The following CASKIN1 variants were observed in gnomAD, a reference collection of about 807,000 sequenced individuals.
CASKIN1 encodes caskin-1.
Under a neutral mutation model 117.5 loss-of-function variants are expected in CASKIN1, and 42 were observed. That is an observed-to-expected ratio of 0.36 (90% confidence interval 0.28 to 0.46). The LOEUF (loss-of-function observed/expected upper bound fraction) is 0.46. CASKIN1 is among the 20% of genes least tolerant of loss of function. The pLI is 1.00. For synonymous variants in CASKIN1, 1,148 were observed against 961.7 expected (o/e 1.19, Z -3.59); for missense variants, 2,083 against 2,077.3 (o/e 1.00, Z -0.05).
In CASKIN1 at chr16:2,179,009, C is replaced by A. The variant is rs1391402750; in HGVS notation, c.4092G>T (p.Ser1364=). ...AAPPAPPEGA[S]PGDSARQKLE... is the part of the protein sequence containing the mutation. The stretch of plus-strand genomic sequence containing the variant: ...GTTTCTGCCGGGCGCTGTCCCCTGG[C>A]GAGGCGCCTTCGGGCGGGGCGGGGG... Residue 1364 remains serine (S), a synonymous_variant, in exon 19 of 20, where the codon TCG becomes TCT. Coordinates refer to ENST00000343516, the MANE Select transcript of CASKIN1 (RefSeq NM_020764.4). This position sits in a 1 kb window ranked among gnomAD's most constrained non-coding sequence, Gnocchi z 5.8. The A allele has an allele frequency of 5.0e-6, 6 of 1,211,608 alleles. No individual in the cohort carries two copies. Among genetic ancestry groups the A allele is most frequent in the Non-Finnish European group, 6.2e-6 (6 of 973,782 alleles). The allele number at this position is 1,211,608 out of a possible 1,614,324, so 75.1% of individuals were successfully genotyped here.
At chr16:2,192,551 T>C (rs148216235) in intron 1 of CASKIN1, among the ~76,000 whole-genome samples, 62 of 152,250 alleles carry the variant, frequency 4.1e-4, no homozygotes, top group South Asian at 1.2e-3. Flanking sequence ...GGCTGCCCTG[T>C]CCAAGGCCTT....
At chr16:2,184,608 C>T (rs2093178195) in intron 14 of CASKIN1, among the ~76,000 whole-genome samples, 169 bp downstream of exon 14, 1 of 152,220 alleles carries the variant, frequency 6.6e-6, no homozygotes, top group African/African-American at 2.4e-5. Flanking sequence ...TACACACAGG[C>T]AGACACACAC....
chr16:2,192,281 T>C (rs2093203436), intron 1 of CASKIN1, among the ~76,000 whole-genome samples: 1 of 148,850 alleles, frequency 6.7e-6, no homozygotes, highest in African/African-American at 2.5e-5. Context: ...CCAACCTGGG[T>C]GACAGAGCAA....
chr16:2,186,112 T>C (rs2093183678), intron 10 of CASKIN1, among the ~76,000 whole-genome samples: 1 of 152,112 alleles, frequency 6.6e-6, no homozygotes, highest in South Asian at 2.1e-4. Flanking sequence ...GCTGGGGCCA[T>C]AGGCGCACAA....
chr16:2,185,917 G>GC (rs2093182985), intron 10 of CASKIN1, among the ~76,000 whole-genome samples: 1 of 152,232 alleles, frequency 6.6e-6, no homozygotes, highest in Admixed American at 6.5e-5. Flanking sequence ...GCTCTTGCCT[G>GC]CCTCAGCGCC....
Position 2,181,261 on chromosome 16 carries a change from T to C in CASKIN1, c.2107A>G (p.Met703Val), listed in dbSNP as rs972137191. The change falls in exon 18 of 20, where the codon ATG becomes GTG. Residue 703 changes from methionine to valine, a missense_variant. Transcript: ENST00000343516. The part of the protein sequence containing the change: ...DSSLGGRARH[M>V]SSSQELLGDG... ...CCCAGCAGCTCCTGCGAGCTGCTCA[T>C]GTGCCGTGCCCGACCACCCAGGCTG... 2 of 1,600,228 alleles carry C rather than the reference T, an allele frequency of 1.2e-6. No individual in the cohort carries two copies. The highest frequency in any genetic ancestry group is 3.4e-5 in the Admixed American group (2 of 59,664).
chr16:2,181,133 G>A lies in CASKIN1; in HGVS notation c.2235C>T (p.Gly745=). The change falls in exon 18 of 20, where the codon GGC becomes GGT. Residue 745 remains glycine, a synonymous_variant. Coordinates refer to ENST00000343516, the MANE Select transcript of CASKIN1 (RefSeq NM_020764.4). ...CCCTCTTGATGCTGTGGCCGTGGCG[G>A]CCGGGCCGGGCCTCCCTGGGCGGGG... ...PGTPPREARP[G]RHGHSIKRAS... The A allele has an allele frequency of 6.8e-7, 1 of 1,477,306 alleles. No individual in the cohort carries two copies. Among genetic ancestry groups the A allele is most frequent in the Non-Finnish European group, 8.9e-7 (1 of 1,123,350 alleles). 91.5% of individuals were successfully genotyped at this position (1,477,306 alleles called of 1,614,324 possible). A position where few individuals can be genotyped will look rare whatever the true frequency, so the allele number is the denominator to read the frequency against.
At chr16:2,184,427 TCA>T in intron 14 of CASKIN1, among the ~76,000 whole-genome samples, 1 of 152,160 alleles carries the variant, frequency 6.6e-6, no homozygotes, top group South Asian at 2.1e-4. Flanking sequence ...ACGAGTGCAC[TCA>T]CACACCATAC....
At chr16:2,185,548 C>T (rs768215306) in intron 10 of CASKIN1, 140 bp from the exon 11 acceptor site, 7 of 682,460 alleles carry the variant, frequency 1.0e-5, no homozygotes, top group Admixed American at 6.2e-5. Context: ...GATAGCCCCT[C>T]GGAAGACCCC....
At position 2,189,176 on chromosome 16, in the gene CASKIN1, G is replaced by A. The variant is rs1425087152; in HGVS notation, c.487-19C>T. ...GGACCACCTTGAAGGAGGGGTCAGG[G>A]TAGGGGGGTCCTGATGTGGGGCTCC... On this transcript the variant is annotated intron_variant, in intron 5 of 19. Transcript: ENST00000343516. The A allele has an allele frequency of 6.2e-7, 1 of 1,612,634 alleles. No homozygotes were observed. The highest frequency in any genetic ancestry group is 1.3e-5 in the African/African-American group (1 of 75,014).
intron 1 of CASKIN1, among the ~76,000 whole-genome samples, chr16:2,191,267 G>A (rs564462407): frequency 6.6e-6 from 1 of 152,322 alleles, no homozygotes; most frequent in Non-Finnish European, 1.5e-5. Flanking sequence ...GGAGTTGAGG[G>A]AGTCGAGGCA....
chr16:2,184,190 C>A (rs1438895400), intron 14 of CASKIN1, among the ~76,000 whole-genome samples: 11 of 147,684 alleles, frequency 7.4e-5, no homozygotes, highest in Admixed American at 4.7e-4. Flanking sequence ...GGGAGGGGGG[C>A]GGGGGGGCTG....
Position 2,180,019 on chromosome 16 carries a change from T to G in CASKIN1, c.3349A>C (p.Lys1117Gln). Residue 1117 changes from lysine to glutamine, a missense_variant, in exon 18 of 20, where the codon AAG becomes CAG. Physicochemically the swap from Lys to Gln is moderately conservative, Grantham distance 53. Around this residue, in one of 3 missense-constraint regions of CASKIN1, gnomAD observed 1,818 missense variants for 1,688.9 expected, o/e 1.08. Transcript: ENST00000343516. ...TTGAGTGTGGCGCTGGCTTCCACCTTGGCCAAGGGCGGGCCTTCGACACCC... is the reference window on the plus strand; with the variant it reads ...TTGAGTGTGGCGCTGGCTTCCACCTGGGCCAAGGGCGGGCCTTCGACACCC... ...EAGVEGPPLA[K>Q]VEASATLKRR... is the part of the protein sequence containing the mutation. The G allele has an allele frequency of 6.3e-7, 1 of 1,595,648 alleles. No individual in the cohort carries two copies. The highest frequency in any genetic ancestry group is 8.5e-7 in the Non-Finnish European group (1 of 1,171,174).
chr16:2,195,541 G>A (rs1247153932), intron 1 of CASKIN1, among the ~76,000 whole-genome samples: 1 of 152,222 alleles, frequency 6.6e-6, no homozygotes, highest in Non-Finnish European at 1.5e-5. Context: ...TACGCGCTGA[G>A]CCAGGATGAG....
At position 2,180,755 on chromosome 16, in the gene CASKIN1, C is replaced by T. The variant is rs769455075; in HGVS notation, c.2613G>A (p.Ala871=). 4.5e-5 allele frequency: 65 copies of T among 1,435,692 alleles called. No homozygotes were observed. The South Asian group carries it at 7.9e-4, about 17-fold the overall frequency. The allele number at this position is 1,435,692 out of a possible 1,614,324, so 88.9% of individuals were successfully genotyped here. ...PTLCLPPEAD[A]EPGRPKKRAH... is the part of the protein sequence containing the mutation. ...CCCGCTTCTTGGGCCGCCCCGGCTC[C>T]GCGTCGGCCTCAGGGGGCAGGCACA... is the stretch of plus-strand genomic sequence containing the variant. The change falls in exon 18 of 20, where the codon GCG becomes GCA. Residue 871 remains alanine (A), a synonymous_variant. Coordinates refer to ENST00000343516, the MANE Select transcript of CASKIN1 (RefSeq NM_020764.4).
chr16:2,180,881 G>A lies in CASKIN1; in HGVS notation c.2487C>T (p.His829=). ...GGGGCAGCACGTAGGCAAAGCCGCG[G>A]TGCGTCGGTGACTGAGGCAGGGAGC... ...SPRSLPQSPT[H]RGFAYVLPQP... The change falls in exon 18 of 20, where the codon CAC becomes CAT. Residue 829 remains histidine, a synonymous_variant. Coordinates refer to ENST00000343516, the MANE Select transcript of CASKIN1 (RefSeq NM_020764.4). 1 of 1,431,198 alleles carries A rather than the reference G, an allele frequency of 7.0e-7. No individual in the cohort carries two copies. The highest frequency in any genetic ancestry group is 9.1e-7 in the Non-Finnish European group (1 of 1,099,574). The allele number at this position is 1,431,198 out of a possible 1,614,324, so 88.7% of individuals were successfully genotyped here.
chr16:2,189,348 C>G lies in CASKIN1; in HGVS notation c.391-15G>C. On this transcript the variant is annotated splice_polypyrimidine_tract_variant and intron_variant, in intron 4 of 19. Transcript: ENST00000343516. Reference sequence around the variant, plus strand: ...AGCATCTCAGACTGGGGGCCAAGGGCGCAGTCAGGTCCGCACATCCTCAGG... The same window carrying G: ...AGCATCTCAGACTGGGGGCCAAGGGGGCAGTCAGGTCCGCACATCCTCAGG... The G allele has an allele frequency of 1.2e-6, 2 of 1,612,604 alleles. No homozygotes were observed. Among genetic ancestry groups the G allele is most frequent in the Non-Finnish European group, 1.7e-6 (2 of 1,179,814 alleles).
In CASKIN1 at chr16:2,186,815, G is replaced by C. The variant is rs1435017376; in HGVS notation, c.940C>G (p.Gln314Glu). Residue 314 changes from glutamine (Q) to glutamate (E), a missense_variant, in exon 10 of 20, where the codon CAG (glutamine) becomes GAG (glutamate). Physicochemically the swap from Gln to Glu is conservative, Grantham distance 29. Transcript: ENST00000343516. ...CCCTTCCACCGGCCATCCGGATGCTGCTCGAGGACCTGGCCAGTAAGGTGG... is the reference window on the plus strand; with the variant it reads ...CCCTTCCACCGGCCATCCGGATGCTCCTCGAGGACCTGGCCAGTAAGGTGG... The part of the protein sequence containing the change: ...KAGDIITVLE[Q>E]HPDGRWKGCI... The C allele has an allele frequency of 3.1e-6, 5 of 1,612,860 alleles. No homozygotes were observed. The African/African-American group carries it at 5.3e-5, about 17-fold the overall frequency.
Position 2,196,393 on chromosome 16 carries a change from CCG to C in CASKIN1, c.38_39del (p.Ala13GlyfsTer100). 7.3e-7 allele frequency: 1 copy of C among 1,369,460 alleles called. No individual in the cohort carries two copies. The highest frequency in any genetic ancestry group is 9.5e-7 in the Non-Finnish European group (1 of 1,048,174). The allele number at this position is 1,369,460 out of a possible 1,614,324, so 84.8% of individuals were successfully genotyped here. A position where few individuals can be genotyped will look rare whatever the true frequency, so the allele number is the denominator to read the frequency against. ...AGCCTCTGCGCGGTCCCTACGTCCT[CCG>C]CCTTCACCGCCTGCACCAGCTCCTG... is the stretch of plus-strand genomic sequence containing the variant. ...KEQELVQAVK[A>X]EDVGTAQRLL... On this transcript the variant is annotated frameshift_variant, in exon 1 of 20. Transcript: ENST00000343516. LOFTEE classifies it high-confidence loss of function. This position sits in a 1 kb window ranked among gnomAD's most constrained non-coding sequence, Gnocchi z 5.7.
Sources: gnomAD v4.1 joint callset for allele counts (sites outside exome capture counted in the v4.1 genomes callset) on GRCh38, gnomAD v4.1.1 for gene constraint, gnomAD v4.1.1 regional missense constraint, Gnocchi (gnomAD v3.1) non-coding constraint, MANE v1.5 for transcripts, NCBI Gene and HGNC (gene_info 2026-07-23, HGNC 2026-07-21) for gene names.